Variants in EFCAB11 observed in about 807,000 individuals in gnomAD.
EFCAB11 encodes EF-hand calcium binding domain 11.
EFCAB11 carries 14 observed loss-of-function variants against 23.0 expected under a neutral mutation model. That is an observed-to-expected ratio of 0.61 (90% confidence interval 0.40 to 0.95). The LOEUF (loss-of-function observed/expected upper bound fraction) is 0.95, where lower values mean the gene tolerates loss of function less well. Ranked by LOEUF, EFCAB11 falls within the 40% of genes least tolerant of loss-of-function variation. EFCAB11 has a pLI of 0.00. For missense variants in EFCAB11, 198 were observed against 195.8 expected (o/e 1.01, Z -0.07); for synonymous variants, 65 against 66.6 (o/e 0.98, Z 0.11).
chr14:89,845,602 A>G (rs1181868926), intron 5 of EFCAB11, among the ~76,000 whole-genome samples: 2 of 152,202 alleles, frequency 1.3e-5, no homozygotes, highest in African/African-American at 4.8e-5. Context: ...CTCTCATGCC[A>G]TTCTTCAGCT....
chr14:89,868,054 AG>A (rs1352875023), intron 5 of EFCAB11, among the ~76,000 whole-genome samples: 1 of 152,266 alleles, frequency 6.6e-6, no homozygotes, highest in Non-Finnish European at 1.5e-5. Flanking sequence ...GCCACATTCC[AG>A]GTTCCAGATT....
intron 5 of EFCAB11, among the ~76,000 whole-genome samples, chr14:89,873,994 C>A (rs1426189424): frequency 1.3e-5 from 2 of 152,208 alleles, no homozygotes; most frequent in African/African-American, 4.8e-5. Context: ...GTGGAGGCTC[C>A]AACCCCACAT....
chr14:89,861,524 C>T (rs1473729496), intron 5 of EFCAB11, among the ~76,000 whole-genome samples: 1 of 152,184 alleles, frequency 6.6e-6, no homozygotes, highest in Non-Finnish European at 1.5e-5. Context: ...TTAGTACATG[C>T]CCTGCTGAAC....
chr14:89,886,243 C>T (rs977865080), intron 5 of EFCAB11, among the ~76,000 whole-genome samples: 1 of 152,046 alleles, frequency 6.6e-6, no homozygotes. Flanking sequence ...CTCGGTCAGG[C>T]GTGGTGGCTC....
chr14:89,924,330 C>T (rs1333561096), intron 5 of EFCAB11: 5 of 1,083,706 alleles, frequency 4.6e-6, no homozygotes, highest in Non-Finnish European at 1.1e-6. Context: ...TTTGGTGCCT[C>T]GATATTGCCA....
chr14:89,954,224 C>G, intron 1 of EFCAB11: 2 of 1,099,886 alleles, frequency 1.8e-6, no homozygotes, highest in East Asian at 5.1e-5. Flanking sequence ...AACGAGTTAA[C>G]CGCTAGGTGA....
intron 5 of EFCAB11, chr14:89,923,536 A>G: frequency 6.1e-6 from 2 of 328,484 alleles, no homozygotes; most frequent in Non-Finnish European, 8.7e-6. Context: ...GGACCTCAAG[A>G]AGTCTACTTC....
chr14:89,922,701 C>T (rs1018528279), intron 5 of EFCAB11, among the ~76,000 whole-genome samples: 1 of 152,130 alleles, frequency 6.6e-6, no homozygotes, highest in Non-Finnish European at 1.5e-5. Flanking sequence ...CAAAACTGTG[C>T]TACGGGTGTG....
At chr14:89,875,441 A>G (rs1329734979) in intron 5 of EFCAB11, among the ~76,000 whole-genome samples, 2 of 152,194 alleles carry the variant, frequency 1.3e-5, no homozygotes, top group Non-Finnish European at 2.9e-5. Context: ...GTACTTTGTT[A>G]CAGCCAACTA....
At chr14:89,857,703 A>G (rs1887797555) in intron 5 of EFCAB11, among the ~76,000 whole-genome samples, 1 of 152,224 alleles carries the variant, frequency 6.6e-6, no homozygotes, top group Admixed American at 6.5e-5. Context: ...GAAACTGGGC[A>G]GCTTTCTTAA....
chr14:89,831,690 C>T (rs72693774), intron 5 of EFCAB11, among the ~76,000 whole-genome samples: 61,550 of 151,910 alleles, frequency 0.41, 13,748 homozygotes, highest in East Asian at 0.72. Flanking sequence ...AGGAAAAAAT[C>T]GTACTTTATT....
At chr14:89,843,379 T>G (rs1438193311) in intron 5 of EFCAB11, among the ~76,000 whole-genome samples, 1 of 152,156 alleles carries the variant, frequency 6.6e-6, no homozygotes, top group Non-Finnish European at 1.5e-5. Context: ...AAGAAGAATA[T>G]CATGATTTTA....
At chr14:89,803,619 T>C (rs1885861427) in intron 5 of EFCAB11, among the ~76,000 whole-genome samples, 1 of 152,210 alleles carries the variant, frequency 6.6e-6, no homozygotes, top group Non-Finnish European at 1.5e-5. Flanking sequence ...CTTTGATTCT[T>C]TATGGAATAA....
At chr14:89,834,955 A>G in intron 5 of EFCAB11, among the ~76,000 whole-genome samples, 1 of 152,200 alleles carries the variant, frequency 6.6e-6, no homozygotes, top group African/African-American at 2.4e-5. Context: ...TGAAGCGGGC[A>G]GTGGTTAGTG....
intron 2 of EFCAB11, among the ~76,000 whole-genome samples, chr14:89,952,909 T>C (rs1045775419): frequency 6.6e-6 from 1 of 152,146 alleles, no homozygotes; most frequent in Admixed American, 6.5e-5. Context: ...ATCTTGACTC[T>C]GACTAATTCC....
Position 89,932,531 on chromosome 14 carries a change from G to A in EFCAB11, c.314C>T (p.Thr105Ile), listed in dbSNP as rs765155097. Residue 105 changes from threonine to isoleucine, a missense_variant, in exon 4 of 6, where the codon ACC (threonine) becomes ATC (isoleucine). Coordinates refer to ENST00000316738, the MANE Select transcript of EFCAB11 (RefSeq NM_145231.4). ...AACACTTTAGAGACACTTACAGTAG[G>A]TGTCAAAGGCTGTGAAGATGTGTCT... ...EVRHIFTAFDTYYRGFLTLED... is the reference protein window; with the variant it reads ...EVRHIFTAFDIYYRGFLTLED... The A allele has an allele frequency of 3.1e-6, 5 of 1,612,936 alleles. No individual in the cohort carries two copies. The African/African-American group carries it at 6.7e-5, about 22-fold the overall frequency.
At chr14:89,801,385 G>C (rs895069289) in intron 5 of EFCAB11, among the ~76,000 whole-genome samples, 7 of 152,308 alleles carry the variant, frequency 4.6e-5, no homozygotes, top group Non-Finnish European at 7.4e-5. Flanking sequence ...GATGAGCTCT[G>C]TCTGAACGTG....
intron 5 of EFCAB11, among the ~76,000 whole-genome samples, chr14:89,857,146 GT>G (rs1478967457): frequency 6.6e-6 from 1 of 152,208 alleles, no homozygotes; most frequent in Non-Finnish European, 1.5e-5. Flanking sequence ...TCCTCTGAGT[GT>G]TATCTTTCTT....
chr14:89,941,522 A>AAATTATTTAATAT (rs1280949479), intron 3 of EFCAB11, among the ~76,000 whole-genome samples: 3 of 152,112 alleles, frequency 2.0e-5, no homozygotes, highest in Non-Finnish European at 2.9e-5. Context: ...CACTCTGGGC[A>AAATTATTTAATAT]AATTATTTAA....
Sources: allele counts gnomAD v4.1 joint callset (sites outside exome capture counted in the v4.1 genomes callset), GRCh38; gene constraint gnomAD v4.1.1; transcripts MANE v1.5; gene names NCBI Gene and HGNC (gene_info 2026-07-23, HGNC 2026-07-21).